Variants in LCAT observed in about 807,000 individuals in gnomAD.
LCAT encodes phosphatidylcholine-sterol acyltransferase.
Under a neutral mutation model 41.0 loss-of-function variants are expected in LCAT, and 15 were observed. That is an observed-to-expected ratio of 0.37 (90% confidence interval 0.24 to 0.56). The LOEUF (loss-of-function observed/expected upper bound fraction) is 0.56. LCAT is among the 20% of genes least tolerant of loss of function. The probability of loss-of-function intolerance (pLI) is 0.81; values close to 1 mark genes in which losing one functional copy is unlikely to be tolerated. For synonymous variants in LCAT, 248 were observed against 245.4 expected (o/e 1.01, Z -0.10); for missense variants, 449 against 595.1 (o/e 0.75, Z 2.55).
In LCAT at chr16:67,939,832, A is replaced by G; in HGVS notation, c.*72T>C. On this transcript the variant is annotated 3_prime_UTR_variant, in exon 6 of 6. Transcript: ENST00000264005. The stretch of plus-strand genomic sequence containing the variant: ...CTGTGGCTGGTGAGGAGTGAAACCT[A>G]GTGTGGGACTCTAGTGCCTCCCTTC... The G allele has an allele frequency of 6.4e-7, 1 of 1,565,596 alleles. No homozygotes were observed. Among genetic ancestry groups the G allele is most frequent in the Non-Finnish European group, 8.7e-7 (1 of 1,153,130 alleles).
chr16:67,942,829 C>T lies in LCAT; in HGVS notation c.427+32G>A. 1 of 1,612,942 alleles carries T rather than the reference C, an allele frequency of 6.2e-7. No homozygotes were observed. Among genetic ancestry groups the T allele is most frequent in the South Asian group, 1.1e-5 (1 of 91,088 alleles). On this transcript the variant is annotated intron_variant, in intron 3 of 5. Transcript: ENST00000264005. The surrounding 1 kb of genome is among the most constrained non-coding windows in gnomAD (Gnocchi z 6.6). ...GCCTGCTGTGGGCCAGCACCCAGGCCTGGAGCCCCAGCCCTGCCCTCTGAC... is the reference window on the plus strand; with the variant it reads ...GCCTGCTGTGGGCCAGCACCCAGGCTTGGAGCCCCAGCCCTGCCCTCTGAC...
chr16:67,942,575 T>C lies in LCAT; in HGVS notation c.536A>G (p.Glu179Gly). 1.9e-6 allele frequency: 3 copies of C among 1,613,328 alleles called. No individual in the cohort carries two copies. Among genetic ancestry groups the C allele is most frequent in the Non-Finnish European group, 2.5e-6 (3 of 1,179,982 alleles). ...DWRLEPGQQE[E>G]YYRKLAGLVE... ...CAGCCCTGCGAGCTTGCGGTAGTACTCCTCCTGCTGGCCTGCAGCGGGTGG... is the reference window on the plus strand; with the variant it reads ...CAGCCCTGCGAGCTTGCGGTAGTACCCCTCCTGCTGGCCTGCAGCGGGTGG... Residue 179 changes from glutamate (E) to glycine (G), a missense_variant, in exon 5 of 6, where the codon GAG becomes GGG. Glu to Gly is a moderately conservative substitution (Grantham distance 98). Transcript: ENST00000264005. This position sits in a 1 kb window ranked among gnomAD's most constrained non-coding sequence, Gnocchi z 6.6.
chr16:67,942,164 A>C lies in LCAT; in HGVS notation c.748+199T>G. The stretch of plus-strand genomic sequence containing the variant: ...GTTCACTGCCCCTTTGCCATCACTG[A>C]CACAGACTCTGGAAGGAGCCACCCT... On this transcript the variant is annotated intron_variant, in intron 5 of 5. Transcript: ENST00000264005. This position sits in a 1 kb window ranked among gnomAD's most constrained non-coding sequence, Gnocchi z 6.6. The C allele has an allele frequency of 7.3e-7, 1 of 1,374,386 alleles. No homozygotes were observed. Among genetic ancestry groups the C allele is most frequent in the Non-Finnish European group, 9.8e-7 (1 of 1,019,030 alleles). The allele number at this position is 1,374,386 out of a possible 1,614,324, so 85.1% of individuals were successfully genotyped here. A position where few individuals can be genotyped will look rare whatever the true frequency, so the allele number is the denominator to read the frequency against.
chr16:67,941,133 A>G (rs1212912833), intron 5 of LCAT, among the ~76,000 whole-genome samples: 2 of 151,960 alleles, frequency 1.3e-5, no homozygotes, highest in East Asian at 1.9e-4. Context: ...GGGAAACCTA[A>G]TCTCTACTAA....
In LCAT at chr16:67,943,657, C is replaced by T. The variant is rs1469096937; in HGVS notation, c.154+291G>A. On this transcript the variant is annotated intron_variant, in intron 1 of 5. Coordinates refer to ENST00000264005, the MANE Select transcript of LCAT (RefSeq NM_000229.2). This position sits in a 1 kb window ranked among gnomAD's most constrained non-coding sequence, Gnocchi z 4.6. ...GGAGTGGTGGGGCTTGGCCCAGAGT[C>T]TGGTGTGGCTGTGACTGACCACAGC... The T allele has an allele frequency of 1.9e-6, 1 of 532,738 alleles. No homozygotes were observed. The highest frequency in any genetic ancestry group is 3.3e-5 in the Admixed American group (1 of 30,744). 33.0% of individuals were successfully genotyped at this position (532,738 alleles called of 1,614,324 possible).
Position 67,942,165 on chromosome 16 carries a change from C to T in LCAT, c.748+198G>A. 7.3e-7 allele frequency: 1 copy of T among 1,374,582 alleles called. No homozygotes were observed. Among genetic ancestry groups the T allele is most frequent in the Non-Finnish European group, 9.8e-7 (1 of 1,018,916 alleles). The allele number at this position is 1,374,582 out of a possible 1,614,324, so 85.1% of individuals were successfully genotyped here. ...TTCACTGCCCCTTTGCCATCACTGA[C>T]ACAGACTCTGGAAGGAGCCACCCTA... On this transcript the variant is annotated intron_variant, in intron 5 of 5. Transcript: ENST00000264005. This position sits in a 1 kb window ranked among gnomAD's most constrained non-coding sequence, Gnocchi z 6.6.
chr16:67,940,532 C>G, intron 5 of LCAT, 54 bp from the exon 6 acceptor site: 1 of 1,608,536 alleles, frequency 6.2e-7, no homozygotes, highest in African/African-American at 1.3e-5. Flanking sequence ...ACCCCTGGCC[C>G]ACAACCTGCT....
rs2058286175 is a variant in LCAT, at chr16:67,940,485, A to G, written c.749-7T>C. On this transcript the variant is annotated splice_region_variant and splice_polypyrimidine_tract_variant and intron_variant, in intron 5 of 5. Coordinates refer to ENST00000264005, the MANE Select transcript of LCAT (RefSeq NM_000229.2). The stretch of plus-strand genomic sequence containing the variant: ...GGGATGCCCTGGTTGTCACCTGTGG[A>G]TATGGAGCAAGGTGGGACAGGGAGC... 6.2e-7 allele frequency: 1 copy of G among 1,613,548 alleles called. No individual in the cohort carries two copies. Among genetic ancestry groups the G allele is most frequent in the Non-Finnish European group, 8.5e-7 (1 of 1,179,812 alleles).
At position 67,942,345 on chromosome 16, in the gene LCAT, T is replaced by C. The variant is rs774374510; in HGVS notation, c.748+18A>G. Reference sequence around the variant, plus strand: ...GGTCTCACCCATCGCTGGACCTAAGTGTTCGAGGCCTTCTCACCTGAGGCC... The same window carrying C: ...GGTCTCACCCATCGCTGGACCTAAGCGTTCGAGGCCTTCTCACCTGAGGCC... On this transcript the variant is annotated intron_variant, in intron 5 of 5. Coordinates refer to ENST00000264005, the MANE Select transcript of LCAT (RefSeq NM_000229.2). The surrounding 1 kb of genome is among the most constrained non-coding windows in gnomAD (Gnocchi z 6.6). 79 of 1,612,078 alleles carry C rather than the reference T, an allele frequency of 4.9e-5. No individual in the cohort carries two copies. Among genetic ancestry groups the C allele is most frequent in the Non-Finnish European group, 6.1e-5 (72 of 1,178,684 alleles).
At chr16:67,940,670 A>G in intron 5 of LCAT, 192 bp from the exon 6 acceptor site, 1 of 975,288 alleles carries the variant, frequency 1.0e-6, no homozygotes, top group East Asian at 2.7e-5. Flanking sequence ...AGAAGCCCTG[A>G]TAAGACCTCT....
rs756903007 is a variant in LCAT, at chr16:67,940,418, G to A, written c.809C>T (p.Thr270Ile). 6.2e-6 allele frequency: 10 copies of A among 1,614,188 alleles called. No homozygotes were observed. The highest frequency in any genetic ancestry group is 8.5e-6 in the Non-Finnish European group (10 of 1,180,034). ...SIKLKEEQRITTTSPWMFPSR... is the reference protein window; with the variant it reads ...SIKLKEEQRIITTSPWMFPSR... ...GGGAAACATCCAGGGGGAGGTGGTG[G>A]TTATGCGCTGCTCCTCTTTCAGCTT... The change falls in exon 6 of 6, where the codon ACC (threonine) becomes ATC (isoleucine). Residue 270 changes from threonine (T) to isoleucine (I), a missense_variant. Transcript: ENST00000264005.
At position 67,939,896 on chromosome 16, in the gene LCAT, G is replaced by A; in HGVS notation, c.*8C>T. 6.2e-7 allele frequency: 1 copy of A among 1,610,140 alleles called. No individual in the cohort carries two copies. The highest frequency in any genetic ancestry group is 8.5e-7 in the Non-Finnish European group (1 of 1,177,576). ...GCCATCAGGGCTTACGGTAGCAAAG[G>A]AAGGTCTTTATTCAGGAGGCGGGGG... On this transcript the variant is annotated 3_prime_UTR_variant, in exon 6 of 6. Transcript: ENST00000264005.
At chr16:67,941,233 G>A (rs1173793558) in intron 5 of LCAT, 1 of 152,402 alleles carries the variant, frequency 6.6e-6, no homozygotes, top group African/African-American at 2.4e-5. Flanking sequence ...GAACTGGGGA[G>A]ATGGAGGTTG....
chr16:67,943,951 G>GGATGAC lies in LCAT; in HGVS notation c.145_150dup (p.Val49_Ile50dup). 1 of 1,546,498 alleles carries GGATGAC rather than the reference G, an allele frequency of 6.5e-7. No individual in the cohort carries two copies. The highest frequency in any genetic ancestry group is 2.4e-5 in the East Asian group (1 of 40,840). On this transcript the variant is annotated inframe_insertion, in exon 1 of 6. Coordinates refer to ENST00000264005, the MANE Select transcript of LCAT (RefSeq NM_000229.2). The surrounding 1 kb of genome is among the most constrained non-coding windows in gnomAD (Gnocchi z 4.6). The stretch of plus-strand genomic sequence containing the variant: ...CAGGGGCCTGGTGGGGGCTTACCGA[G>GGATGAC]GATGACGGGCCGTGTGTGGTTACTG...
chr16:67,941,759 A>G (rs1396860494), intron 5 of LCAT: 2 of 1,009,238 alleles, frequency 2.0e-6, no homozygotes, highest in Non-Finnish European at 1.2e-6. Context: ...TGTGTGGCTT[A>G]TGCAGCAATG....
Position 67,940,173 on chromosome 16 carries a change from C to T in LCAT, c.1054G>A (p.Asp352Asn), listed in dbSNP as rs57506973. 1.5e-5 allele frequency: 24 copies of T among 1,613,220 alleles called. No homozygotes were observed. The highest frequency in any genetic ancestry group is 6.7e-5 in the African/African-American group (5 of 74,878). The change falls in exon 6 of 6, where the codon GAC (aspartate) becomes AAC (asparagine). Residue 352 changes from aspartate (D) to asparagine (N), a missense_variant. Asp to Asn is a conservative substitution (Grantham distance 23). Transcript: ENST00000264005. ...GLPTPRTYIY[D>N]HGFPYTDPVG... ...GGGTCCGTGTAGGGGAAGCCGTGGT[C>T]GTAGATGTAGGTGCGGGGCGTGGGC...
chr16:67,940,263 G>A lies in LCAT; in HGVS notation c.964C>T (p.Arg322Cys), dbSNP rs1407191796. 1.7e-5 allele frequency: 28 copies of A among 1,613,762 alleles called. No homozygotes were observed. The highest frequency in any genetic ancestry group is 3.3e-4 in the Middle Eastern group (2 of 6,084). The change falls in exon 6 of 6, where the codon CGT becomes TGT. Residue 322 changes from arginine (R) to cysteine (C), a missense_variant. Physicochemically the swap from Arg to Cys is radical, Grantham distance 180. Transcript: ENST00000264005. ...GCTGGGAGTCCTGCCAGGAGGTCAC[G>A]TGACTGCAGCCACATGTACCAGCCT... ...EEGWYMWLQS[R>C]DLLAGLPAPG...
Position 67,940,214 on chromosome 16 carries a change from A to G in LCAT, c.1013T>C (p.Leu338Pro). The change falls in exon 6 of 6, where the codon CTT (leucine) becomes CCT (proline). Residue 338 changes from leucine (L) to proline (P), a missense_variant. Coordinates refer to ENST00000264005, the MANE Select transcript of LCAT (RefSeq NM_000229.2). ...GGGCGTGGGCAGGCCCACGCCGTAA[A>G]GACAGTATACTTCCACACCAGGTGC... The part of the protein sequence containing the change: ...LPAPGVEVYC[L>P]YGVGLPTPRT... 1.2e-6 allele frequency: 2 copies of G among 1,613,248 alleles called. No individual in the cohort carries two copies. Among genetic ancestry groups the G allele is most frequent in the Non-Finnish European group, 1.7e-6 (2 of 1,180,008 alleles).
Position 67,943,003 on chromosome 16 carries a change from G to T in LCAT, c.312-27C>A. On this transcript the variant is annotated intron_variant, in intron 2 of 5. Coordinates refer to ENST00000264005, the MANE Select transcript of LCAT (RefSeq NM_000229.2). The surrounding 1 kb of genome is among the most constrained non-coding windows in gnomAD (Gnocchi z 4.6). ...TGCGGGGCGGGGGTGCCACTCAGCA[G>T]CCAGTAGCCAAGGGGCAGCGTGTTG... The T allele has an allele frequency of 5.6e-6, 9 of 1,613,730 alleles. No individual in the cohort carries two copies. Among genetic ancestry groups the T allele is most frequent in the Non-Finnish European group, 7.6e-6 (9 of 1,179,864 alleles).
Sources: allele counts gnomAD v4.1 joint callset (sites outside exome capture counted in the v4.1 genomes callset), GRCh38; gene constraint gnomAD v4.1.1; non-coding constraint Gnocchi (gnomAD v3.1); transcripts MANE v1.5; gene names NCBI Gene and HGNC (gene_info 2026-07-23, HGNC 2026-07-21).